The following LRP6 variants were observed in gnomAD, a reference collection of about 807,000 sequenced individuals.
The protein encoded by LRP6 is low-density lipoprotein receptor-related protein 6.
In LRP6, 43 loss-of-function variants were observed where a neutral mutation model predicts 184.1. The observed-to-expected ratio is 0.23, with a 90% CI of 0.18 to 0.30. The LOEUF is 0.30. Ranked by LOEUF, LRP6 falls within the 10% of genes least tolerant of loss-of-function variation. The pLI is 1.00. For missense variants in LRP6, 1,571 were observed against 2,005.3 expected, an observed-to-expected ratio of 0.78 and a Z score of 4.14; for synonymous variants, 719 against 684.9, an observed-to-expected ratio of 1.05 and a Z score of -0.78.
chr12:12,136,348 T>C (rs900241179), intron 16 of LRP6, among the ~76,000 whole-genome samples: 1 of 152,134 alleles, frequency 6.6e-6, no homozygotes, highest in African/African-American at 2.4e-5. Flanking sequence ...GAGGAATCCA[T>C]TGAGAATTAA....
At chr12:12,210,248 G>A (rs767408762) in intron 2 of LRP6, among the ~76,000 whole-genome samples, 1 of 152,164 alleles carries the variant, frequency 6.6e-6, no homozygotes, top group East Asian at 1.9e-4. Flanking sequence ...CAGAAGTTGA[G>A]GACTGGATCA....
chr12:12,266,806 C>G lies in LRP6; in HGVS notation c.-71G>C. On this transcript the variant is annotated 5_prime_UTR_variant, in exon 1 of 23. Transcript: ENST00000261349. Reference sequence around the variant, plus strand: ...AAGTGGGGGAGGCGAGGAGCCGGGGCGGCCGCCGCAGCGGCAGGGCTGCAC... The same window carrying G: ...AAGTGGGGGAGGCGAGGAGCCGGGGGGGCCGCCGCAGCGGCAGGGCTGCAC... 2 of 1,300,684 alleles carry G rather than the reference C, an allele frequency of 1.5e-6. No individual in the cohort carries two copies. The highest frequency in any genetic ancestry group is 1.2e-5 in the South Asian group (1 of 81,018). The allele number at this position is 1,300,684 out of a possible 1,614,324, so 80.6% of individuals were successfully genotyped here. A position where few individuals can be genotyped will look rare whatever the true frequency, so the allele number is the denominator to read the frequency against.
intron 15 of LRP6, among the ~76,000 whole-genome samples, chr12:12,145,656 C>G (rs1159666522): frequency 7.9e-6 from 1 of 127,190 alleles, no homozygotes; most frequent in Non-Finnish European, 1.6e-5. Flanking sequence ...GAGACAGTCT[C>G]GTTCTCGTTC....
intron 1 of LRP6, among the ~76,000 whole-genome samples, chr12:12,255,961 CA>C (rs1865453227): frequency 1.3e-5 from 2 of 152,130 alleles, no homozygotes; most frequent in South Asian, 4.1e-4. Context: ...TTCCCTCTAT[CA>C]AAGTCATCAG....
At chr12:12,266,150 G>A (rs1865752383) in intron 1 of LRP6, among the ~76,000 whole-genome samples, 2 of 152,108 alleles carry the variant, frequency 1.3e-5, no homozygotes, top group African/African-American at 2.4e-5. Context: ...CTCTCACCCA[G>A]GGTCATTATA....
chr12:12,170,232 G>A (rs1400038962), intron 7 of LRP6, among the ~76,000 whole-genome samples: 1 of 152,110 alleles, frequency 6.6e-6, no homozygotes, highest in South Asian at 2.1e-4. Flanking sequence ...CTAGTCGGTA[G>A]GCTGAGGCAG....
intron 7 of LRP6, among the ~76,000 whole-genome samples, chr12:12,174,739 C>A (rs1428333544): frequency 2.6e-5 from 4 of 152,178 alleles, no homozygotes; most frequent in Admixed American, 6.5e-5. Context: ...TGTAGCCCTG[C>A]AATTTCAGGC....
chr12:12,172,422 C>A (rs867651746), intron 7 of LRP6, among the ~76,000 whole-genome samples: 5 of 152,224 alleles, frequency 3.3e-5, no homozygotes, highest in Admixed American at 6.5e-5. Context: ...ACTGCCCATG[C>A]AATCTTGGAA....
At position 12,150,885 on chromosome 12, in the gene LRP6, A is replaced by G. The variant is rs144397003; in HGVS notation, c.2945T>C (p.Ile982Thr). 19 of 1,613,998 alleles carry G rather than the reference A, an allele frequency of 1.2e-5. No homozygotes were observed. Among genetic ancestry groups the G allele is most frequent in the African/African-American group, 4.0e-5 (3 of 74,924 alleles). Residue 982 changes from isoleucine to threonine, a missense_variant, in exon 13 of 23, where the codon ATT becomes ACT. Ile to Thr is a moderately conservative substitution (Grantham distance 89). Around this residue, in one of 4 missense-constraint regions of LRP6, gnomAD observed 763 missense variants for 859.5 expected, o/e 0.89. Coordinates refer to ENST00000261349, the MANE Select transcript of LRP6 (RefSeq NM_002336.3). ...TCGGATCATGTTTTGTCGTGAGTCA[A>G]TCCAATAGAGTTGCTTGTCCAGTGG... is the stretch of plus-strand genomic sequence containing the variant. The part of the protein sequence containing the change: ...YDPLDKQLYW[I>T]DSRQNMIRKA...
In LRP6 at chr12:12,125,445, G is replaced by A. The variant is rs1305751209; in HGVS notation, c.4313-13C>T. ...CCTCGAGACATTCCTAAAATAAAAG[G>A]AGGTTAAAAACTGAAGATGAGTATG... On this transcript the variant is annotated splice_polypyrimidine_tract_variant and intron_variant, in intron 20 of 22. Coordinates refer to ENST00000261349, the MANE Select transcript of LRP6 (RefSeq NM_002336.3). 16 of 1,613,152 alleles carry A rather than the reference G, an allele frequency of 9.9e-6. No homozygotes were observed. Among genetic ancestry groups the A allele is most frequent in the Non-Finnish European group, 1.4e-5 (16 of 1,179,382 alleles).
chr12:12,160,084 G>T, intron 10 of LRP6, 120 bp from the exon 11 acceptor site: 1 of 715,342 alleles, frequency 1.4e-6, no homozygotes, highest in East Asian at 2.8e-5. Context: ...CAAGGAAATG[G>T]GTTAAACAAA....
intron 3 of LRP6, among the ~76,000 whole-genome samples, chr12:12,198,591 T>C (rs1336029725): frequency 6.9e-6 from 1 of 144,250 alleles, no homozygotes; most frequent in African/African-American, 2.6e-5. Flanking sequence ...TGGAGTGCAA[T>C]GGCACAATCT....
chr12:12,164,129 A>G (rs988646312), intron 9 of LRP6, 144 bp downstream of exon 9: 2 of 219,418 alleles, frequency 9.1e-6, no homozygotes, highest in Non-Finnish European at 1.6e-5. Context: ...GACACCGTTT[A>G]AAAAAAAAAA....
chr12:12,194,370 A>T (rs1049012395), intron 3 of LRP6, among the ~76,000 whole-genome samples: 1 of 152,084 alleles, frequency 6.6e-6, no homozygotes, highest in Non-Finnish European at 1.5e-5. Context: ...CAGATGAAGG[A>T]AAAAAACTTG....
At chr12:12,254,023 G>A (rs1033239422) in intron 1 of LRP6, among the ~76,000 whole-genome samples, 1 of 151,456 alleles carries the variant, frequency 6.6e-6, no homozygotes, top group African/African-American at 2.4e-5. Context: ...ACACACCTGT[G>A]GTCGCAGCTA....
At chr12:12,247,029 C>T (rs1297935813) in intron 1 of LRP6, among the ~76,000 whole-genome samples, 1 of 152,186 alleles carries the variant, frequency 6.6e-6, no homozygotes, top group Non-Finnish European at 1.5e-5. Flanking sequence ...GTATCTGCTG[C>T]AGCTATCAGC....
At chr12:12,126,430 T>C (rs926066447) in intron 20 of LRP6, among the ~76,000 whole-genome samples, 1 of 152,218 alleles carries the variant, frequency 6.6e-6, no homozygotes, top group African/African-American at 2.4e-5. Flanking sequence ...GTAGCATGCA[T>C]CCAGAATTGC....
rs180708121 is a variant in LRP6, at chr12:12,206,162, T to C, written c.450-2762A>G. Among the ~76,000 whole-genome samples, 354 of 152,304 alleles carry C rather than the reference T, an allele frequency of 2.3e-3. 1 individual carries two copies. The highest frequency in any genetic ancestry group is 8.3e-3 in the African/African-American group (343 of 41,554). On this transcript the variant is annotated intron_variant, in intron 2 of 22. Transcript: ENST00000261349. ...GTAACACACTATGTTCACACAATGA[T>C]GAAATCACTCAACATTTCTCAGAAC... is the stretch of plus-strand genomic sequence containing the variant.
chr12:12,138,888 G>C lies in LRP6; in HGVS notation c.3398-354C>G, dbSNP rs974397428. ...AGTGGTGGTGGACCCAGAGTTCTGAGTATACCTGAGGCATTTATGAAGAAC... is the reference window on the plus strand; with the variant it reads ...AGTGGTGGTGGACCCAGAGTTCTGACTATACCTGAGGCATTTATGAAGAAC... On this transcript the variant is annotated intron_variant, in intron 15 of 22. Coordinates refer to ENST00000261349, the MANE Select transcript of LRP6 (RefSeq NM_002336.3). 4 of 1,372,426 alleles carry C rather than the reference G, an allele frequency of 2.9e-6. No homozygotes were observed. In the Admixed American group the frequency reaches 5.7e-5, roughly 20 times the overall value. The allele number at this position is 1,372,426 out of a possible 1,614,324, so 85.0% of individuals were successfully genotyped here.
Sources: allele counts gnomAD v4.1 joint callset (sites outside exome capture counted in the v4.1 genomes callset), GRCh38; gene constraint gnomAD v4.1.1; regional missense constraint gnomAD v4.1.1; transcripts MANE v1.5; gene names NCBI Gene and HGNC (gene_info 2026-07-23, HGNC 2026-07-21).